The following LRFN5 variants were observed in gnomAD, a reference collection of about 807,000 sequenced individuals.
LRFN5 encodes leucine-rich repeat and fibronectin type-III domain-containing protein 5.
A neutral mutation model predicts 45.6 loss-of-function variants in LRFN5; 24 were observed. That is an observed-to-expected ratio of 0.53 (90% CI 0.38 to 0.74). LRFN5 has a LOEUF of 0.74. LRFN5 is among the 30% of genes least tolerant of loss of function. LRFN5 has a pLI of 0.00. For missense variants in LRFN5, 776 were observed against 861.5 expected (o/e 0.90, Z 1.24); for synonymous variants, 340 against 313.8 (o/e 1.08, Z -0.88).
At chr14:41,852,360 AT>A (rs1425277738) in intron 2 of LRFN5, among the ~76,000 whole-genome samples, 3 of 151,896 alleles carry the variant, frequency 2.0e-5, no homozygotes, top group Non-Finnish European at 4.4e-5. Context: ...AAGCGAAATA[AT>A]TGATAATCTA....
intron 2 of LRFN5, among the ~76,000 whole-genome samples, chr14:41,873,444 AG>A: frequency 6.6e-6 from 1 of 151,422 alleles, no homozygotes; most frequent in Admixed American, 6.6e-5. Flanking sequence ...AGAGAGAGAG[AG>A]AGAAGGAGAG....
intron 2 of LRFN5, among the ~76,000 whole-genome samples, chr14:41,776,698 C>A (rs1489910035): frequency 6.6e-6 from 1 of 152,010 alleles, no homozygotes; most frequent in African/African-American, 2.4e-5. Context: ...AAATAAAAAG[C>A]TTTCATTTAA....
chr14:41,620,043 G>A lies in LRFN5; in HGVS notation c.-197+11481G>A, dbSNP rs190913403. Among the ~76,000 whole-genome samples, 160 of 151,972 alleles carry A rather than the reference G, an allele frequency of 1.1e-3. 1 individual carries two copies. The highest frequency in any genetic ancestry group is 1.3e-3 in the Non-Finnish European group (88 of 67,896). Reference sequence around the variant, plus strand: ...GCATGATGGCTCTTTTAAAAAATACGTCTTTATATTTTACAGGTTAGACTG... The same window carrying A: ...GCATGATGGCTCTTTTAAAAAATACATCTTTATATTTTACAGGTTAGACTG... On this transcript the variant is annotated intron_variant, in intron 1 of 5. Coordinates refer to ENST00000298119, the MANE Select transcript of LRFN5 (RefSeq NM_152447.5).
intron 1 of LRFN5, among the ~76,000 whole-genome samples, chr14:41,672,441 G>A (rs1394228036): frequency 1.3e-5 from 2 of 151,896 alleles, no homozygotes; most frequent in African/African-American, 4.8e-5. Flanking sequence ...TAATGGCATT[G>A]GACTGAAAAT....
intron 2 of LRFN5, among the ~76,000 whole-genome samples, chr14:41,835,986 A>G (rs991122007): frequency 1.3e-5 from 2 of 151,862 alleles, no homozygotes; most frequent in African/African-American, 2.4e-5. Flanking sequence ...AGAATTCACT[A>G]TAATACAAAT....
chr14:41,691,085 C>A (rs1258306905), intron 1 of LRFN5, among the ~76,000 whole-genome samples: 1 of 151,794 alleles, frequency 6.6e-6, no homozygotes, highest in Admixed American at 6.6e-5. Flanking sequence ...TTGCTGTTTT[C>A]TCTGTTGAGC....
chr14:41,880,123 T>C (rs948529653), intron 2 of LRFN5, among the ~76,000 whole-genome samples: 4 of 151,786 alleles, frequency 2.6e-5, no homozygotes, highest in Non-Finnish European at 5.9e-5. Flanking sequence ...GAGATGGGGT[T>C]TCACCGTATT....
Position 41,886,796 on chromosome 14 carries a change from G to T in LRFN5, c.171G>T (p.Arg57=). 1 of 1,614,102 alleles carries T rather than the reference G, an allele frequency of 6.2e-7. No homozygotes were observed. The highest frequency in any genetic ancestry group is 8.5e-7 in the Non-Finnish European group (1 of 1,180,002). ...TTGACAGAAGAACTGTGGAACTGCG[G>T]TTGGCAGACAATTTTGTTACAAATA... is the stretch of plus-strand genomic sequence containing the variant. ...PNIDRRTVEL[R]LADNFVTNIK... is the part of the protein sequence containing the mutation. Residue 57 remains arginine (R), a synonymous_variant, in exon 3 of 6, where the codon CGG becomes CGT. Coordinates refer to ENST00000298119, the MANE Select transcript of LRFN5 (RefSeq NM_152447.5).
At chr14:41,674,597 AG>A (rs1881493387) in intron 1 of LRFN5, among the ~76,000 whole-genome samples, 1 of 99,054 alleles carries the variant, frequency 1.0e-5, no homozygotes, top group East Asian at 3.5e-4. Context: ...CTGGCCGGGC[AG>A]GGGGCTGACC....
At chr14:41,888,396 C>T (rs1293081874) in intron 3 of LRFN5, among the ~76,000 whole-genome samples, 1 of 152,040 alleles carries the variant, frequency 6.6e-6, no homozygotes, top group Non-Finnish European at 1.5e-5. Context: ...TGCCATTGCT[C>T]AAAGCACTTT....
At chr14:41,789,060 CAATT>C (rs1009878403) in intron 2 of LRFN5, among the ~76,000 whole-genome samples, 1 of 151,916 alleles carries the variant, frequency 6.6e-6, no homozygotes, top group African/African-American at 2.4e-5. Context: ...TTAGTTCTGA[CAATT>C]GATGTTTGAA....
chr14:41,880,928 A>C (rs1890358017), intron 2 of LRFN5, among the ~76,000 whole-genome samples: 1 of 152,168 alleles, frequency 6.6e-6, no homozygotes, highest in Non-Finnish European at 1.5e-5. Flanking sequence ...TTATAGCCAC[A>C]TCAACTTTTT....
chr14:41,614,674 T>A (rs1887873326), intron 1 of LRFN5, among the ~76,000 whole-genome samples: 1 of 152,066 alleles, frequency 6.6e-6, no homozygotes, highest in Non-Finnish European at 1.5e-5. Flanking sequence ...TCTACCCCCC[T>A]TGGTCACAGC....
At chr14:41,787,046 C>G (rs1038968387) in intron 2 of LRFN5, among the ~76,000 whole-genome samples, 15 of 151,970 alleles carry the variant, frequency 9.9e-5, no homozygotes, top group African/African-American at 3.4e-4. Context: ...AATTTTTGAT[C>G]ATATGGTGCA....
intron 2 of LRFN5, among the ~76,000 whole-genome samples, chr14:41,793,585 T>C (rs989034339): frequency 6.6e-6 from 1 of 152,092 alleles, no homozygotes. Flanking sequence ...CAATTTATTG[T>C]CCAACTGGGA....
At chr14:41,844,176 G>T (rs902839730) in intron 2 of LRFN5, among the ~76,000 whole-genome samples, 1 of 152,114 alleles carries the variant, frequency 6.6e-6, no homozygotes, top group African/African-American at 2.4e-5. Context: ...AGTGGCTCAC[G>T]CCTGTAATCC....
Position 41,845,615 on chromosome 14 carries a change from A to G in LRFN5, c.-20-40991A>G, listed in dbSNP as rs1029138750. On this transcript the variant is annotated intron_variant, in intron 2 of 5. Transcript: ENST00000298119. ...AATCTGACATCTAATTCTGACATAT[A>G]TAAATGTGAAGAGAGAACCTAGTTC... Among the ~76,000 whole-genome samples the G allele has an allele frequency of 4.6e-5, 7 of 152,120 alleles. 2 individuals carry two copies. In the South Asian group the frequency reaches 1.5e-3, roughly 32 times the overall value.
chr14:41,754,908 A>G (rs982545687), intron 1 of LRFN5, among the ~76,000 whole-genome samples: 4 of 151,872 alleles, frequency 2.6e-5, no homozygotes, highest in South Asian at 2.1e-4. Flanking sequence ...ATTTAGTGCT[A>G]TACATTTCCC....
At chr14:41,637,216 A>ATCCTAGTC (rs754969745) in intron 1 of LRFN5, among the ~76,000 whole-genome samples, 1 of 152,152 alleles carries the variant, frequency 6.6e-6, no homozygotes, top group Non-Finnish European at 1.5e-5. Context: ...AGGAGGCCCT[A>ATCCTAGTC]TCCTAGTCAG....
Sources: allele counts gnomAD v4.1 joint callset (sites outside exome capture counted in the v4.1 genomes callset), GRCh38; gene constraint gnomAD v4.1.1; transcripts MANE v1.5; gene names NCBI Gene and HGNC (gene_info 2026-07-23, HGNC 2026-07-21).